PRPF38A: variants seen among roughly 807,000 people sequenced by gnomAD.
The protein encoded by PRPF38A is pre-mRNA processing factor 38A, also known as pre-mRNA-splicing factor 38A.
Under a neutral mutation model 46.8 loss-of-function variants are expected in PRPF38A, and 11 were observed. That is an observed-to-expected ratio of 0.24 (90% CI 0.15 to 0.39). The LOEUF is 0.39. PRPF38A is among the 10% of genes least tolerant of loss of function. The probability of loss-of-function intolerance (pLI) is 1.00; values close to 1 mark genes in which losing one functional copy is unlikely to be tolerated. For synonymous variants in PRPF38A, 124 were observed against 136.2 expected (o/e 0.91, Z 0.62); for missense variants, 261 against 407.5 (o/e 0.64, Z 3.10).
intron 9 of PRPF38A, among the ~76,000 whole-genome samples, chr1:52,416,032 C>T (rs139106412): frequency 3.3e-5 from 5 of 151,364 alleles, no homozygotes; most frequent in African/African-American, 9.7e-5. Context: ...TTAGTAGAGA[C>T]GGGGTTTCAC....
intron 3 of PRPF38A, 57 bp from the exon 4 acceptor site, chr1:52,411,058 T>A: frequency 7.8e-7 from 1 of 1,277,794 alleles, no homozygotes; most frequent in Non-Finnish European, 1.1e-6. Flanking sequence ...TCTTTTACTT[T>A]TTGGCATCTA....
In PRPF38A at chr1:52,420,451, C is replaced by CT. The variant is rs1389248308; in HGVS notation, c.*3762dup. On this transcript the variant is annotated 3_prime_UTR_variant, in exon 10 of 10. Coordinates refer to ENST00000257181, the MANE Select transcript of PRPF38A (RefSeq NM_032864.4). ...TTTCATAGCAGGAATCACGTACAGTCTCTAATTAAAACATACATGAAGCTA... is the reference window on the plus strand; with the variant it reads ...TTTCATAGCAGGAATCACGTACAGTCTTCTAATTAAAACATACATGAAGCTA... 12 of 152,006 alleles carry CT rather than the reference C, an allele frequency of 7.9e-5. No individual in the cohort carries two copies. The highest frequency in any genetic ancestry group is 1.5e-5 in the Non-Finnish European group (1 of 67,990). The allele number at this position is 152,006 out of a possible 1,614,324, so 9.4% of individuals were successfully genotyped here.
chr1:52,407,333 G>C, intron 2 of PRPF38A, among the ~76,000 whole-genome samples: 1 of 152,174 alleles, frequency 6.6e-6, no homozygotes, highest in East Asian at 1.9e-4. Context: ...CTCTAATAAA[G>C]CATTAACAGC....
chr1:52,412,548 A>C lies in PRPF38A; in HGVS notation c.533A>C (p.Glu178Ala). Residue 178 changes from glutamate (E) to alanine (A), a missense_variant, in exon 5 of 10, where the codon GAG becomes GCG. This residue lies in a region of PRPF38A where 180 missense variants were observed against 221.0 expected (regional missense o/e 0.81). Transcript: ENST00000257181. ...GTATTAGAGGAAGCTGAGCAACTGG[A>C]GCCTCGAGTTAGTGCTCTGGAAGAG... ...RYVLEEAEQL[E>A]PRVSALEEDM... is the part of the protein sequence containing the mutation. 2 of 1,613,718 alleles carry C rather than the reference A, an allele frequency of 1.2e-6. No homozygotes were observed. The highest frequency in any genetic ancestry group is 1.7e-6 in the Non-Finnish European group (2 of 1,179,700).
In PRPF38A at chr1:52,420,555, G is replaced by T. The variant is rs1252487586; in HGVS notation, c.*3865G>T. ...AAATCTTACAAGACTAGATTCTCTT[G>T]TGGGGAAAAAAGTATTTAAATTGAG... On this transcript the variant is annotated 3_prime_UTR_variant, in exon 10 of 10. Transcript: ENST00000257181. The T allele has an allele frequency of 2.0e-5, 3 of 149,472 alleles. No homozygotes were observed. The highest frequency in any genetic ancestry group is 7.7e-5 in the African/African-American group (3 of 38,946). 9.3% of individuals were successfully genotyped at this position (149,472 alleles called of 1,614,324 possible).
At chr1:52,414,064 G>A in intron 6 of PRPF38A, 73 bp downstream of exon 6, 1 of 941,218 alleles carries the variant, frequency 1.1e-6, no homozygotes, top group South Asian at 1.4e-5. Context: ...TTTTAGAGAA[G>A]GAAAAATGCA....
chr1:52,412,492 A>T, intron 4 of PRPF38A, 22 bp from the exon 5 acceptor site: 1 of 1,566,430 alleles, frequency 6.4e-7, no homozygotes. Context: ...ACAACCCCTA[A>T]CTCTCATCAT....
Position 52,420,729 on chromosome 1 carries a change from G to C in PRPF38A, c.*4039G>C, listed in dbSNP as rs1557596280. The C allele has an allele frequency of 6.6e-6, 1 of 152,150 alleles. No homozygotes were observed. Among genetic ancestry groups the C allele is most frequent in the Non-Finnish European group, 1.5e-5 (1 of 68,014 alleles). 9.4% of individuals were successfully genotyped at this position (152,150 alleles called of 1,614,324 possible). The stretch of plus-strand genomic sequence containing the variant: ...TGGAATGAATGAAGTTCACCAGATA[G>C]TACTTCTTTCTGGCTGATGAACTTT... On this transcript the variant is annotated 3_prime_UTR_variant, in exon 10 of 10. Coordinates refer to ENST00000257181, the MANE Select transcript of PRPF38A (RefSeq NM_032864.4).
intron 4 of PRPF38A, among the ~76,000 whole-genome samples, chr1:52,412,218 CCTTA>C (rs1466071361): frequency 6.6e-6 from 1 of 152,076 alleles, no homozygotes; most frequent in East Asian, 1.9e-4. Flanking sequence ...TGTGTGAAGC[CCTTA>C]CTTTTGGTTC....
At chr1:52,405,562 C>A in intron 1 of PRPF38A, 118 bp from the exon 2 acceptor site, 2 of 866,962 alleles carry the variant, frequency 2.3e-6, no homozygotes, top group Non-Finnish European at 3.7e-6. Context: ...AATACACATT[C>A]GTTCTCCTAA....
At chr1:52,410,530 C>T (rs1294685094) in intron 3 of PRPF38A, among the ~76,000 whole-genome samples, 1 of 146,264 alleles carries the variant, frequency 6.8e-6, no homozygotes, top group Non-Finnish European at 1.5e-5. Flanking sequence ...GAGATGGAGT[C>T]TCACTCTGTT....
intron 9 of PRPF38A, among the ~76,000 whole-genome samples, chr1:52,415,807 T>C (rs894804735): frequency 1.3e-5 from 2 of 148,484 alleles, no homozygotes; most frequent in Non-Finnish European, 3.0e-5. Context: ...GAAACCCCCA[T>C]GTGCCATATA....
chr1:52,408,832 G>A, intron 3 of PRPF38A, 142 bp downstream of exon 3: 2 of 1,059,770 alleles, frequency 1.9e-6, no homozygotes, highest in East Asian at 5.2e-5. Context: ...GTTTTCCCTT[G>A]TCCCTCATGG....
chr1:52,405,936 C>T, intron 2 of PRPF38A, 97 bp downstream of exon 2: 1 of 1,002,038 alleles, frequency 1.0e-6, no homozygotes, highest in East Asian at 2.4e-5. Flanking sequence ...TATCTCATTT[C>T]TAGAGAGTTC....
chr1:52,413,631 A>G (rs1303750542), intron 5 of PRPF38A, among the ~76,000 whole-genome samples: 1 of 152,096 alleles, frequency 6.6e-6, no homozygotes. Flanking sequence ...CTAAACATAC[A>G]CACATACACA....
intron 3 of PRPF38A, among the ~76,000 whole-genome samples, chr1:52,410,117 T>C (rs1452413660): frequency 2.0e-5 from 3 of 148,120 alleles, no homozygotes; most frequent in African/African-American, 7.4e-5. Context: ...TACATAATCA[T>C]ATATAATTTA....
At position 52,416,747 on chromosome 1, in the gene PRPF38A, T is replaced by C. The variant is rs1356074634; in HGVS notation, c.*57T>C. 3.1e-6 allele frequency: 4 copies of C among 1,275,104 alleles called. No homozygotes were observed. The African/African-American group carries it at 4.4e-5, about 14-fold the overall frequency. 79.0% of individuals were successfully genotyped at this position (1,275,104 alleles called of 1,614,324 possible). A position where few individuals can be genotyped will look rare whatever the true frequency, so the allele number is the denominator to read the frequency against. On this transcript the variant is annotated 3_prime_UTR_variant, in exon 10 of 10. Transcript: ENST00000257181. ...TCCTGTGGATATAAGGATATCTGTA[T>C]GTGGAAGGATTAAGATCTCCCCCAG... is the stretch of plus-strand genomic sequence containing the variant.
At chr1:52,413,424 T>G (rs1257909809) in intron 5 of PRPF38A, among the ~76,000 whole-genome samples, 2 of 152,040 alleles carry the variant, frequency 1.3e-5, no homozygotes. Context: ...TTTTTTTTTT[T>G]GAGATAGGGT....
At position 52,413,910 on chromosome 1, in the gene PRPF38A, G is replaced by A. The variant is rs1482538565; in HGVS notation, c.641G>A (p.Arg214Gln). 16 of 1,613,598 alleles carry A rather than the reference G, an allele frequency of 9.9e-6. 1 individual carries two copies. Among genetic ancestry groups the A allele is most frequent in the South Asian group, 3.3e-5 (3 of 91,064 alleles). ...AGAGTGCCATCACCTGATCACCGCC[G>A]GAGAAGCTACCGAGACTTGGACAAG... Reference protein sequence around the residue: ...LERVPSPDHRRRSYRDLDKPR... With the variant: ...LERVPSPDHRQRSYRDLDKPR... The change falls in exon 6 of 10, where the codon CGG (arginine) becomes CAG (glutamine). Residue 214 changes from arginine (R) to glutamine (Q), a missense_variant. By Grantham distance (43) the Arg-to-Gln change is conservative. This residue lies in a region of PRPF38A where 180 missense variants were observed against 221.0 expected (regional missense o/e 0.81). Coordinates refer to ENST00000257181, the MANE Select transcript of PRPF38A (RefSeq NM_032864.4).
Sources: gnomAD v4.1 joint callset for allele counts (sites outside exome capture counted in the v4.1 genomes callset) on GRCh38, gnomAD v4.1.1 for gene constraint, gnomAD v4.1.1 regional missense constraint, MANE v1.5 for transcripts, NCBI Gene and HGNC (gene_info 2026-07-23, HGNC 2026-07-21) for gene names.